Variants in CCNK observed in about 807,000 individuals in gnomAD.
The protein encoded by CCNK is cyclin-K.
Under a neutral mutation model 65.0 loss-of-function variants are expected in CCNK, and 9 were observed. The observed-to-expected ratio is 0.14, with a 90% CI of 0.08 to 0.24. The LOEUF (loss-of-function observed/expected upper bound fraction) is 0.24, where lower values mean the gene tolerates loss of function less well. Ranked by LOEUF, CCNK falls within the 10% of genes least tolerant of loss-of-function variation. The probability of loss-of-function intolerance (pLI) is 1.00; values close to 1 mark genes in which losing one functional copy is unlikely to be tolerated. For missense variants in CCNK, 474 were observed against 720.0 expected (o/e 0.66, Z 3.91); for synonymous variants, 279 against 270.8 (o/e 1.03, Z -0.30).
At position 99,510,607 on chromosome 14, in the gene CCNK, G is replaced by A. The variant is rs1456922960; in HGVS notation, c.1568G>A (p.Arg523His). Reference sequence around the variant, plus strand: ...CCCAACTTCCCACCCCCACCCCCACGCCTCCCGCCTACCCACGCAGTCCCC... The same window carrying A: ...CCCAACTTCCCACCCCCACCCCCACACCTCCCGCCTACCCACGCAGTCCCC... The part of the protein sequence containing the change: ...YNPNFPPPPP[R>H]LPPTHAVPPH... The change falls in exon 11 of 11, where the codon CGC becomes CAC. Residue 523 changes from arginine (R) to histidine (H), a missense_variant. Arg to His is a conservative substitution (Grantham distance 29, BLOSUM62 0). This residue lies in a region of CCNK where 38 missense variants were observed against 19.2 expected (regional missense o/e 1.98). Coordinates refer to ENST00000389879, the MANE Select transcript of CCNK (RefSeq NM_001099402.2). 3.0e-5 allele frequency: 15 copies of A among 508,324 alleles called. No individual in the cohort carries two copies. Among genetic ancestry groups the A allele is most frequent in the East Asian group, 6.0e-5 (1 of 16,696 alleles). 31.5% of individuals were successfully genotyped at this position (508,324 alleles called of 1,614,324 possible).
intron 1 of CCNK, among the ~76,000 whole-genome samples, chr14:99,490,928 CAAAAAAAAAAAA>C (rs56222414): frequency 1.2e-5 from 1 of 80,032 alleles, no homozygotes; most frequent in East Asian, 3.6e-4. Context: ...GACTCCGTCT[CAAAAAAAAAAAA>C]AAAAAGAGAT....
Position 99,511,765 on chromosome 14 carries a change from A to T in CCNK, c.*983A>T, listed in dbSNP as rs1027368776. Reference sequence around the variant, plus strand: ...CTTTGGAGGACCTGGTTGAGTTCCAAACCAGTTTGAAACTTTGAAGCCTTG... The same window carrying T: ...CTTTGGAGGACCTGGTTGAGTTCCATACCAGTTTGAAACTTTGAAGCCTTG... On this transcript the variant is annotated 3_prime_UTR_variant, in exon 11 of 11. Coordinates refer to ENST00000389879, the MANE Select transcript of CCNK (RefSeq NM_001099402.2). The T allele has an allele frequency of 6.6e-6, 1 of 152,654 alleles. No homozygotes were observed. The highest frequency in any genetic ancestry group is 6.5e-5 in the Admixed American group (1 of 15,288). 9.5% of individuals were successfully genotyped at this position (152,654 alleles called of 1,614,324 possible).
At chr14:99,483,880 A>G (rs2139845344) in intron 1 of CCNK, among the ~76,000 whole-genome samples, 1 of 152,320 alleles carries the variant, frequency 6.6e-6, no homozygotes, top group East Asian at 1.9e-4. Context: ...TTAAATAGAT[A>G]AGCAGCGTGA....
chr14:99,482,152 A>G (rs1896353283), intron 1 of CCNK, among the ~76,000 whole-genome samples: 1 of 152,252 alleles, frequency 6.6e-6, no homozygotes. Flanking sequence ...TGCTCCCTAA[A>G]TTTAGACTGC....
At chr14:99,510,129 C>G in intron 10 of CCNK, 28 bp from the exon 11 acceptor site, 4 of 1,576,836 alleles carry the variant, frequency 2.5e-6, no homozygotes, top group Non-Finnish European at 3.4e-6. Flanking sequence ...TGGCGGAGGC[C>G]GGGCACTGAT....
intron 1 of CCNK, among the ~76,000 whole-genome samples, chr14:99,485,883 C>T (rs1354205482): frequency 6.6e-6 from 1 of 152,082 alleles, no homozygotes; most frequent in Non-Finnish European, 1.5e-5. Context: ...AAAAGAATAA[C>T]CTATTTCCTA....
chr14:99,511,371 A>G lies in CCNK; in HGVS notation c.*589A>G, dbSNP rs1422249352. The G allele has an allele frequency of 6.6e-6, 1 of 152,288 alleles. No homozygotes were observed. The highest frequency in any genetic ancestry group is 1.9e-4 in the East Asian group (1 of 5,202). 9.4% of individuals were successfully genotyped at this position (152,288 alleles called of 1,614,324 possible). A position where few individuals can be genotyped will look rare whatever the true frequency, so the allele number is the denominator to read the frequency against. On this transcript the variant is annotated 3_prime_UTR_variant, in exon 11 of 11. Coordinates refer to ENST00000389879, the MANE Select transcript of CCNK (RefSeq NM_001099402.2). ...AAGGGGAGAAATGTACTTGGAAATT[A>G]ATGTATGTTTACATCTCTTTGCAAA...
chr14:99,503,475 C>A, intron 8 of CCNK, 136 bp from the exon 9 acceptor site: 1 of 691,728 alleles, frequency 1.4e-6, no homozygotes, highest in Non-Finnish European at 2.5e-6. Context: ...CCTGAAAGTT[C>A]AGGCTAGAAA....
At position 99,493,151 on chromosome 14, in the gene CCNK, C is replaced by G. The variant is rs554297334; in HGVS notation, c.197+277C>G. ...GGCACAGTGGCTCATGCCTGTAATC[C>G]CAGCACTTTGGGAGGCCTAGACAGG... is the stretch of plus-strand genomic sequence containing the variant. On this transcript the variant is annotated intron_variant, in intron 2 of 10. Coordinates refer to ENST00000389879, the MANE Select transcript of CCNK (RefSeq NM_001099402.2). 71 of 452,698 alleles carry G rather than the reference C, an allele frequency of 1.6e-4. No individual in the cohort carries two copies. The East Asian group carries it at 2.8e-3, about 18-fold the overall frequency. 28.0% of individuals were successfully genotyped at this position (452,698 alleles called of 1,614,324 possible). A position where few individuals can be genotyped will look rare whatever the true frequency, so the allele number is the denominator to read the frequency against.
intron 1 of CCNK, among the ~76,000 whole-genome samples, chr14:99,486,201 T>C (rs914189940): frequency 6.6e-6 from 1 of 152,232 alleles, no homozygotes; most frequent in Non-Finnish European, 1.5e-5. Flanking sequence ...GGTTTAAAGC[T>C]GACATCCCAT....
chr14:99,497,478 G>T (rs188258961), intron 4 of CCNK, among the ~76,000 whole-genome samples: 25 of 152,312 alleles, frequency 1.6e-4, no homozygotes, highest in Admixed American at 1.2e-3. Flanking sequence ...TGAAAGCAAA[G>T]ACTATCTGTT....
At chr14:99,490,186 G>C (rs1002809195) in intron 1 of CCNK, among the ~76,000 whole-genome samples, 1 of 152,108 alleles carries the variant, frequency 6.6e-6, no homozygotes. Context: ...CTTTACCCTT[G>C]AGTGTGGGCT....
chr14:99,503,257 T>C, intron 8 of CCNK: 1 of 641,026 alleles, frequency 1.6e-6, no homozygotes, highest in Non-Finnish European at 2.8e-6. Context: ...GTCGGTGTCG[T>C]TGCCGTGTCC....
At chr14:99,481,645 G>A (rs1680967803) in intron 1 of CCNK, 166 bp downstream of exon 1, 3 of 388,872 alleles carry the variant, frequency 7.7e-6, no homozygotes, top group African/African-American at 6.2e-5. Flanking sequence ...GCGACGCGGG[G>A]TTGTGGGGCG....
At chr14:99,494,970 A>T (rs1219588148) in intron 3 of CCNK, 1 of 152,336 alleles carries the variant, frequency 6.6e-6, no homozygotes, top group Non-Finnish European at 1.5e-5. Context: ...TCACTTCTTC[A>T]TACCGCCACC....
intron 6 of CCNK, chr14:99,501,993 T>G (rs113853402): frequency 1.4e-5 from 6 of 443,660 alleles, no homozygotes; most frequent in African/African-American, 1.2e-4. Context: ...TTCTTCTGAT[T>G]CTTTAAGGAA....
chr14:99,497,000 A>G, intron 4 of CCNK, among the ~76,000 whole-genome samples: 1 of 137,496 alleles, frequency 7.3e-6, no homozygotes, highest in South Asian at 2.6e-4. Context: ...TTTCCCATAT[A>G]CCCCCCACCC....
rs201983471 is a variant in CCNK, at chr14:99,503,024, C to T, written c.1011+40C>T. The stretch of plus-strand genomic sequence containing the variant: ...GCAGGCCCTGGGTAGAGCAGGCTTT[C>T]CAGGTGGCGGCAACACCTGAGCACT... On this transcript the variant is annotated intron_variant, in intron 8 of 10. Transcript: ENST00000389879. 784 of 1,609,932 alleles carry T rather than the reference C, an allele frequency of 4.9e-4. 6 individuals are homozygous for T. The African/African-American group carries it at 9.2e-3, about 19-fold the overall frequency.
intron 10 of CCNK, 60 bp from the exon 11 acceptor site, chr14:99,510,097 G>C: frequency 6.6e-7 from 1 of 1,510,896 alleles, no homozygotes; most frequent in African/African-American, 1.4e-5. Flanking sequence ...GGGCCAGGAG[G>C]CACTGAAAAA....
Sources: allele counts gnomAD v4.1 joint callset (sites outside exome capture counted in the v4.1 genomes callset), GRCh38; gene constraint gnomAD v4.1.1; regional missense constraint gnomAD v4.1.1; transcripts MANE v1.5; gene names NCBI Gene and HGNC (gene_info 2026-07-23, HGNC 2026-07-21).